The following KIF26A variants were observed in gnomAD, a reference collection of about 807,000 sequenced individuals.
The protein encoded by KIF26A is kinesin family member 26A, also known as kinesin-like protein KIF26A.
Under a neutral mutation model 126.0 loss-of-function variants are expected in KIF26A, and 74 were observed. That is an observed-to-expected ratio of 0.59 (90% CI 0.49 to 0.71). The LOEUF (loss-of-function observed/expected upper bound fraction) is 0.71. Among genes scored for constraint, KIF26A ranks in the 30% least tolerant of loss-of-function variants. KIF26A has a pLI of 0.00. For synonymous variants in KIF26A, 1,445 were observed against 1,232.7 expected (o/e 1.17, Z -3.61); for missense variants, 2,984 against 2,763.3 (o/e 1.08, Z -1.79).
chr14:104,156,228 A>G lies in KIF26A; in HGVS notation c.736-1527A>G, dbSNP rs143062224. On this transcript the variant is annotated intron_variant, in intron 3 of 14. Transcript: ENST00000423312. ...TCCTGTCTGCTCAGCAAAGGAGTTT[A>G]GGCTTTTGATAGGGAGCACATACAT... Among the ~76,000 whole-genome samples the G allele has an allele frequency of 1.5e-3, 227 of 152,330 alleles. 2 individuals are homozygous for G. The highest frequency in any genetic ancestry group is 5.0e-3 in the African/African-American group (206 of 41,560).
intron 5 of KIF26A, among the ~76,000 whole-genome samples, chr14:104,168,546 G>T (rs927252269): frequency 1.3e-5 from 2 of 152,172 alleles, no homozygotes; most frequent in African/African-American, 4.8e-5. Context: ...GCATCAGGCA[G>T]TTGGCACCTT....
chr14:104,176,933 C>G lies in KIF26A; in HGVS notation c.4145C>G (p.Pro1382Arg). ...EQRSSPASAP[P>R]HAVNPARVGA... Reference sequence around the variant, plus strand: ...AGGAGCAGCCCGGCCTCGGCCCCTCCGCATGCTGTGAACCCGGCGCGGGTC... The same window carrying G: ...AGGAGCAGCCCGGCCTCGGCCCCTCGGCATGCTGTGAACCCGGCGCGGGTC... Residue 1382 changes from proline (P) to arginine (R), a missense_variant, in exon 12 of 15, where the codon CCG becomes CGG. Coordinates refer to ENST00000423312, the MANE Select transcript of KIF26A (RefSeq NM_015656.2). The G allele has an allele frequency of 3.3e-6, 5 of 1,536,402 alleles. No homozygotes were observed. The highest frequency in any genetic ancestry group is 1.2e-5 in the South Asian group (1 of 83,932).
chr14:104,152,558 G>A lies in KIF26A; in HGVS notation c.735+97G>A. The A allele has an allele frequency of 8.1e-7, 1 of 1,233,702 alleles. No individual in the cohort carries two copies. Among genetic ancestry groups the A allele is most frequent in the Non-Finnish European group, 1.1e-6 (1 of 911,520 alleles). The allele number at this position is 1,233,702 out of a possible 1,614,324, so 76.4% of individuals were successfully genotyped here. A position where few individuals can be genotyped will look rare whatever the true frequency, so the allele number is the denominator to read the frequency against. ...GTCCACGTTGAGTGCCCTGCAGTAA[G>A]GCTTCCCTGAAGGGAGGGGACGGCG... On this transcript the variant is annotated intron_variant, in intron 3 of 14. Coordinates refer to ENST00000423312, the MANE Select transcript of KIF26A (RefSeq NM_015656.2). The surrounding 1 kb of genome is among the most constrained non-coding windows in gnomAD (Gnocchi z 5.9).
At chr14:104,173,571 G>T in intron 9 of KIF26A, 58 bp downstream of exon 9, 1 of 1,506,182 alleles carries the variant, frequency 6.6e-7, no homozygotes, top group Non-Finnish European at 8.9e-7. Context: ...CAGAGACCCA[G>T]GCACAGGGGC....
In KIF26A at chr14:104,178,625, G is replaced by A. The variant is rs1304540922; in HGVS notation, c.5186G>A (p.Gly1729Glu). 5 of 1,549,512 alleles carry A rather than the reference G, an allele frequency of 3.2e-6. No homozygotes were observed. Among genetic ancestry groups the A allele is most frequent in the Non-Finnish European group, 4.4e-6 (5 of 1,147,188 alleles). ...CTGGGCCGTAAGCCCAGCCTCCCCG[G>A]GCAGTGGGTGGACCTGCCCCCGCCC... ...TALGRKPSLP[G>E]QWVDLPPPLA... is the part of the protein sequence containing the mutation. The change falls in exon 13 of 15, where the codon GGG becomes GAG. Residue 1729 changes from glycine to glutamate, a missense_variant. Transcript: ENST00000423312.
chr14:104,171,865 G>T lies in KIF26A; in HGVS notation c.1256G>T (p.Arg419Leu), dbSNP rs372972875. 1 of 1,555,264 alleles carries T rather than the reference G, an allele frequency of 6.4e-7. No homozygotes were observed. The highest frequency in any genetic ancestry group is 8.7e-7 in the Non-Finnish European group (1 of 1,150,530). ...AAGPPGSAGP[R>L]RAATAAVPKM... The stretch of plus-strand genomic sequence containing the variant: ...GGTCCCCCAGGCAGCGCAGGCCCCC[G>T]GCGAGCCGCCACTGCTGCAGTTCCC... Residue 419 changes from arginine (R) to leucine (L), a missense_variant, in exon 6 of 15, where the codon CGG (arginine) becomes CTG (leucine). Physicochemically the swap from Arg to Leu is moderately radical, Grantham distance 102. Transcript: ENST00000423312.
chr14:104,138,984 G>T, intron 1 of KIF26A, 59 bp from the exon 2 acceptor site: 2 of 1,320,606 alleles, frequency 1.5e-6, no homozygotes, highest in Non-Finnish European at 1.9e-6. Flanking sequence ...GGCGCGCAGG[G>T]GTCTGGATCC....
chr14:104,175,844 C>A lies in KIF26A; in HGVS notation c.3056C>A (p.Thr1019Asn). Residue 1019 changes from threonine to asparagine, a missense_variant, in exon 12 of 15, where the codon ACC becomes AAC. Physicochemically the swap from Thr to Asn is moderately conservative, Grantham distance 65. Transcript: ENST00000423312. Reference sequence around the variant, plus strand: ...CGGGGCCTGCTCACCACCACAGTGACCCTGCAGCGGCCAGTGGAGCTCAAC... The same window carrying A: ...CGGGGCCTGCTCACCACCACAGTGAACCTGCAGCGGCCAGTGGAGCTCAAC... ...PERGLLTTTV[T>N]LQRPVELNGE... is the part of the protein sequence containing the mutation. The A allele has an allele frequency of 2.6e-6, 4 of 1,539,036 alleles. No homozygotes were observed. The highest frequency in any genetic ancestry group is 3.5e-6 in the Non-Finnish European group (4 of 1,147,348).
intron 3 of KIF26A, among the ~76,000 whole-genome samples, chr14:104,155,530 C>T (rs534880492): frequency 1.1e-4 from 17 of 152,244 alleles, no homozygotes; most frequent in African/African-American, 2.4e-4. Context: ...TCTGTCTGGC[C>T]GCCCGCCCCC....
intron 3 of KIF26A, among the ~76,000 whole-genome samples, chr14:104,155,127 G>A (rs2037764407): frequency 6.6e-6 from 1 of 152,194 alleles, no homozygotes. Flanking sequence ...TGGTGACAGA[G>A]TTCGGCTCTG....
At chr14:104,174,351 C>T (rs758049393) in intron 11 of KIF26A, 41 bp downstream of exon 11, 12 of 1,478,160 alleles carry the variant, frequency 8.1e-6, no homozygotes, top group Admixed American at 2.2e-5. Context: ...GGGGCCGTCT[C>T]GGCTCCTGTG....
intron 2 of KIF26A, among the ~76,000 whole-genome samples, chr14:104,143,891 GGGGGCACGGCTCCCTGGCTGGCAGGC>G (rs2037658525): frequency 6.6e-6 from 1 of 152,360 alleles, no homozygotes; most frequent in African/African-American, 2.4e-5. Context: ...GGAGGTGTGA[GGGGGCACGGCTCCCTGGCTGGCAGGC>G]GGGGCACTGG....
In KIF26A at chr14:104,176,399, A is replaced by T. The variant is rs1278768090; in HGVS notation, c.3611A>T (p.Gln1204Leu). The T allele has an allele frequency of 6.3e-7, 1 of 1,591,304 alleles. No individual in the cohort carries two copies. Among genetic ancestry groups the T allele is most frequent in the South Asian group, 1.1e-5 (1 of 89,346 alleles). The change falls in exon 12 of 15, where the codon CAG becomes CTG. Residue 1204 changes from glutamine (Q) to leucine (L), a missense_variant. Physicochemically the swap from Gln to Leu is moderately radical, Grantham distance 113. Transcript: ENST00000423312. Reference protein sequence around the residue: ...AGPSRWASAAQTIHSSLPRKP... With the variant: ...AGPSRWASAALTIHSSLPRKP... ...CCCTCGCGGTGGGCATCCGCAGCCC[A>T]GACCATCCACTCCAGCCTCCCCCGG...
chr14:104,145,687 C>T (rs572462429), intron 2 of KIF26A, among the ~76,000 whole-genome samples: 2 of 152,226 alleles, frequency 1.3e-5, no homozygotes, highest in African/African-American at 4.8e-5. Flanking sequence ...CCCCATCTTC[C>T]CTCCCCAGCT....
At chr14:104,154,488 A>C (rs1412695854) in intron 3 of KIF26A, among the ~76,000 whole-genome samples, 1 of 152,138 alleles carries the variant, frequency 6.6e-6, no homozygotes, top group Non-Finnish European at 1.5e-5. Context: ...TGGGCTATGG[A>C]GCCGCCGGGC....
Position 104,171,773 on chromosome 14 carries a change from C to A in KIF26A, c.1164C>A (p.Ala388=). Residue 388 remains alanine (A), a synonymous_variant, in exon 6 of 15, where the codon GCC becomes GCA. Coordinates refer to ENST00000423312, the MANE Select transcript of KIF26A (RefSeq NM_015656.2). Reference sequence around the variant, plus strand: ...CCGCACAGGGGGCCCAGCGCTCGGCCGAGGCCATGTCCTTCCTGAAGGTGG... The same window carrying A: ...CCGCACAGGGGGCCCAGCGCTCGGCAGAGGCCATGTCCTTCCTGAAGGTGG... ...IWPAQGAQRS[A]EAMSFLKVDP... The A allele has an allele frequency of 6.3e-7, 1 of 1,579,636 alleles. No homozygotes were observed. The highest frequency in any genetic ancestry group is 8.6e-7 in the Non-Finnish European group (1 of 1,163,858).
Position 104,172,663 on chromosome 14 carries a change from G to A in KIF26A, c.1415G>A (p.Ser472Asn), listed in dbSNP as rs766748554. ...DGCIFSFGHM[S>N]LGKSYTMIGK... ...TGCATTTTTTCCTTTGGCCACATGA[G>A]CCTGGGTAAGCACCCTTGCCCCACC... is the stretch of plus-strand genomic sequence containing the variant. Residue 472 changes from serine to asparagine, a missense_variant, in exon 7 of 15, where the codon AGC (serine) becomes AAC (asparagine). By Grantham distance (46) the Ser-to-Asn change is conservative (BLOSUM62 1). Transcript: ENST00000423312. 1 of 1,611,464 alleles carries A rather than the reference G, an allele frequency of 6.2e-7. No individual in the cohort carries two copies. The highest frequency in any genetic ancestry group is 1.1e-5 in the South Asian group (1 of 90,986).
In KIF26A at chr14:104,151,092, G is replaced by T. The variant is rs1405802977; in HGVS notation, c.289-923G>T. On this transcript the variant is annotated intron_variant, in intron 2 of 14. Coordinates refer to ENST00000423312, the MANE Select transcript of KIF26A (RefSeq NM_015656.2). The surrounding 1 kb of genome is among the most constrained non-coding windows in gnomAD (Gnocchi z 4.9). ...GGACACGGGTGGGCCCCAGAGAGGA[G>T]TAAGCCTCTTGGTCGATTCCCTCCC... Among the ~76,000 whole-genome samples the T allele has an allele frequency of 1.3e-5, 2 of 152,178 alleles. No homozygotes were observed. The highest frequency in any genetic ancestry group is 2.9e-5 in the Non-Finnish European group (2 of 68,018).
rs754490391 is a variant in KIF26A at position 104,177,093 on chromosome 14, C to G, written c.4305C>G (p.His1435Gln). ...KVEAAHRLAG[H>Q]ASLERYEGLA... ...AAGCAGCACACCGTCTTGCCGGACACGCGTCTCTGGAGCGGTACGAAGGCC... is the reference window on the plus strand; with the variant it reads ...AAGCAGCACACCGTCTTGCCGGACAGGCGTCTCTGGAGCGGTACGAAGGCC... The change falls in exon 12 of 15, where the codon CAC (histidine) becomes CAG (glutamine). Residue 1435 changes from histidine (H) to glutamine (Q), a missense_variant. His to Gln is a conservative substitution (Grantham distance 24). Coordinates refer to ENST00000423312, the MANE Select transcript of KIF26A (RefSeq NM_015656.2). 1 of 1,596,754 alleles carries G rather than the reference C, an allele frequency of 6.3e-7. No homozygotes were observed. The highest frequency in any genetic ancestry group is 1.7e-5 in the Admixed American group (1 of 59,852).
Sources: allele counts gnomAD v4.1 joint callset (sites outside exome capture counted in the v4.1 genomes callset), GRCh38; gene constraint gnomAD v4.1.1; non-coding constraint Gnocchi (gnomAD v3.1); transcripts MANE v1.5; gene names NCBI Gene and HGNC (gene_info 2026-07-23, HGNC 2026-07-21).